The following RTF1 variants were observed in gnomAD, a reference collection of about 807,000 sequenced individuals.
RTF1 encodes RTF1 homolog, Paf1/RNA polymerase II complex component, also known as RNA polymerase-associated protein RTF1 homolog.
A neutral mutation model predicts 95.7 loss-of-function variants in RTF1; 10 were observed. That is an observed-to-expected ratio of 0.10 (90% CI 0.06 to 0.18). The LOEUF is 0.18. Among genes scored for constraint, RTF1 ranks in the 10% least tolerant of loss-of-function variants. RTF1 has a pLI of 1.00. For missense variants in RTF1, 458 were observed against 875.6 expected, an observed-to-expected ratio of 0.52 and a Z score of 6.02; for synonymous variants, 305 against 311.8, an observed-to-expected ratio of 0.98 and a Z score of 0.23.
chr15:41,426,213 C>CCT (rs2050628538), intron 1 of RTF1, among the ~76,000 whole-genome samples: 1 of 151,968 alleles, frequency 6.6e-6, no homozygotes, highest in East Asian at 1.9e-4. Context: ...GCAACCTCCG[C>CCT]CCTGGGTTCA....
chr15:41,474,292 A>G (rs1002012518), intron 8 of RTF1, among the ~76,000 whole-genome samples: 2 of 152,228 alleles, frequency 1.3e-5, no homozygotes, highest in Non-Finnish European at 1.5e-5. Context: ...ACTGACCTAC[A>G]TGGTCTTCAC....
In RTF1 at chr15:41,468,564, G is replaced by A. The variant is rs184643655; in HGVS notation, c.890-1693G>A. Among the ~76,000 whole-genome samples, 607 of 152,144 alleles carry A rather than the reference G, an allele frequency of 4.0e-3. 1 individual carries two copies. Among genetic ancestry groups the A allele is most frequent in the Non-Finnish European group, 6.4e-3 (435 of 67,996 alleles). Reference sequence around the variant, plus strand: ...GATCTCCTGACCTTGTGATCCGCCCGCCTCGGCCTCCCAAAGTGCTGGGAT... The same window carrying A: ...GATCTCCTGACCTTGTGATCCGCCCACCTCGGCCTCCCAAAGTGCTGGGAT... On this transcript the variant is annotated intron_variant, in intron 6 of 17. Transcript: ENST00000389629.
intron 1 of RTF1, among the ~76,000 whole-genome samples, chr15:41,433,843 CTT>C (rs11326489): frequency 0.025 from 3,138 of 125,990 alleles, 46 homozygotes; most frequent in Middle Eastern, 0.098. Flanking sequence ...TGCTACCACA[CTT>C]TTTTTTTTTT....
At chr15:41,459,918 C>T (rs1049714117) in intron 4 of RTF1, among the ~76,000 whole-genome samples, 1 of 151,892 alleles carries the variant, frequency 6.6e-6, no homozygotes, top group African/African-American at 2.4e-5. Flanking sequence ...ATAAAATAGC[C>T]CTCAGAACAA....
Position 41,480,259 on chromosome 15 carries a change from C to T in RTF1, c.1960C>T (p.Leu654Phe). 6.2e-7 allele frequency: 1 copy of T among 1,614,000 alleles called. No homozygotes were observed. The highest frequency in any genetic ancestry group is 8.5e-7 in the Non-Finnish European group (1 of 1,179,856). Residue 654 changes from leucine (L) to phenylalanine (F), a missense_variant, in exon 17 of 18, where the codon CTC becomes TTC. Transcript: ENST00000389629. The part of the protein sequence containing the change: ...KDLNSKSASD[L>F]SEDLFKVHDF... Reference sequence around the variant, plus strand: ...TTTGAATTCTAAGTCAGCCAGTGACCTCTCAGAAGATCTGTTCAAAGTACA... The same window carrying T: ...TTTGAATTCTAAGTCAGCCAGTGACTTCTCAGAAGATCTGTTCAAAGTACA...
chr15:41,479,177 T>C lies in RTF1; in HGVS notation c.1893T>C (p.Asp631=), dbSNP rs1302845933. 2 of 1,613,450 alleles carry C rather than the reference T, an allele frequency of 1.2e-6. No individual in the cohort carries two copies. The highest frequency in any genetic ancestry group is 2.7e-5 in the African/African-American group (2 of 75,012). Residue 631 remains aspartate (D), a synonymous_variant, in exon 16 of 18, where the codon GAT becomes GAC. Transcript: ENST00000389629. ...NAKYGSGVLP[D]APKEMSKGQG... ...AATACGGTTCTGGAGTGTTACCAGA[T>C]GCTCCAAAGGAAATGAGCAAGGCAA...
At chr15:41,472,058 C>G (rs1045574219) in intron 8 of RTF1, among the ~76,000 whole-genome samples, 14 of 151,554 alleles carry the variant, frequency 9.2e-5, no homozygotes, top group Admixed American at 4.0e-4. Flanking sequence ...GCCACCACAC[C>G]TGGCTAATTT....
intron 1 of RTF1, among the ~76,000 whole-genome samples, chr15:41,431,680 G>C (rs372193226): frequency 1.3e-5 from 2 of 151,966 alleles, no homozygotes; most frequent in Admixed American, 1.3e-4. Context: ...TGGATTTTTT[G>C]TACAGACGGG....
At chr15:41,478,246 C>G (rs2050952066) in intron 14 of RTF1, among the ~76,000 whole-genome samples, 1 of 151,900 alleles carries the variant, frequency 6.6e-6, no homozygotes, top group South Asian at 2.1e-4. Flanking sequence ...ACTAAAAATA[C>G]AAAAATTAGC....
At position 41,443,877 on chromosome 15, in the gene RTF1, C is replaced by G. The variant is rs1398034365; in HGVS notation, c.309+5446C>G. 4.6e-5 allele frequency among the ~76,000 whole-genome samples: 7 copies of G among 151,884 alleles called. No homozygotes were observed. In the East Asian group the frequency reaches 1.4e-3, roughly 29 times the overall value. Reference sequence around the variant, plus strand: ...GGTCTGGAGCTCGAGACCATCCTGGCTAACATGGTGAAACCCTGTCTCTAC... The same window carrying G: ...GGTCTGGAGCTCGAGACCATCCTGGGTAACATGGTGAAACCCTGTCTCTAC... On this transcript the variant is annotated intron_variant, in intron 2 of 17. Transcript: ENST00000389629.
rs752719706 is a variant in RTF1 at position 41,480,603 on chromosome 15, C to T, written c.2049C>T (p.Thr683=). 9.9e-6 allele frequency: 16 copies of T among 1,613,988 alleles called. No individual in the cohort carries two copies. Among genetic ancestry groups the T allele is most frequent in the South Asian group, 8.8e-5 (8 of 91,088 alleles). The part of the protein sequence containing the change: ...PSSESKALAI[T]SKAPPAKDGA... ...CAGAGTCAAAGGCTTTAGCCATCAC[C>T]TCCAAGGCTCCGCCAGCCAAGGATG... The change falls in exon 18 of 18, where the codon ACC becomes ACT. Residue 683 remains threonine (T), a synonymous_variant. Transcript: ENST00000389629.
chr15:41,474,573 C>T (rs2050932952), intron 8 of RTF1, 47 bp from the exon 9 acceptor site: 22 of 1,320,584 alleles, frequency 1.7e-5, no homozygotes, highest in Non-Finnish European at 2.4e-5. Context: ...TTGTGGAAAG[C>T]TCCGGAAGAG....
chr15:41,461,944 G>T (rs1366548918), intron 4 of RTF1, among the ~76,000 whole-genome samples: 3 of 150,074 alleles, frequency 2.0e-5, no homozygotes, highest in East Asian at 1.9e-4. Flanking sequence ...TTTAGAGAGG[G>T]GGGGTTTGCC....
At chr15:41,451,060 G>A (rs2050787397) in intron 2 of RTF1, among the ~76,000 whole-genome samples, 1 of 152,010 alleles carries the variant, frequency 6.6e-6, no homozygotes, top group South Asian at 2.1e-4. Flanking sequence ...TTCTAAGTTG[G>A]AAACATCTTC....
At chr15:41,453,194 A>G (rs1186151267) in intron 3 of RTF1, 146 bp downstream of exon 3, 4 of 588,786 alleles carry the variant, frequency 6.8e-6, no homozygotes, top group South Asian at 4.8e-5. Flanking sequence ...TTCCATGGTC[A>G]TGGATGCTTT....
chr15:41,472,804 C>T (rs569330996), intron 8 of RTF1, among the ~76,000 whole-genome samples: 1 of 152,002 alleles, frequency 6.6e-6, no homozygotes, highest in African/African-American at 2.4e-5. Flanking sequence ...CAGGTTCACG[C>T]CATTCTCCTG....
intron 2 of RTF1, among the ~76,000 whole-genome samples, chr15:41,439,809 G>A (rs1047162175): frequency 3.3e-5 from 5 of 151,886 alleles, no homozygotes; most frequent in Admixed American, 6.6e-5. Context: ...GCACCACAGT[G>A]CCCGGCTGAT....
chr15:41,470,291 C>T lies in RTF1; in HGVS notation c.924C>T (p.Thr308=), dbSNP rs758397085. The T allele has an allele frequency of 3.1e-6, 5 of 1,613,844 alleles. No individual in the cohort carries two copies. The East Asian group carries it at 1.1e-4, about 36-fold the overall frequency. ...ELLAKKQPLK[T]SEVYSDDEEE... is the part of the protein sequence containing the mutation. Reference sequence around the variant, plus strand: ...TTGCCAAAAAACAGCCATTAAAAACCAGTGAGGTCTACTCTGATGATGAAG... The same window carrying T: ...TTGCCAAAAAACAGCCATTAAAAACTAGTGAGGTCTACTCTGATGATGAAG... The change falls in exon 7 of 18, where the codon ACC becomes ACT. Residue 308 remains threonine, a synonymous_variant. Coordinates refer to ENST00000389629, the MANE Select transcript of RTF1 (RefSeq NM_015138.5).
chr15:41,440,249 G>A (rs933949992), intron 2 of RTF1: 2 of 148,282 alleles, frequency 1.3e-5, no homozygotes, highest in African/African-American at 5.0e-5. Flanking sequence ...ACAGTGCAGC[G>A]GCGCAATCTC....
Sources: gnomAD v4.1 joint callset for allele counts (sites outside exome capture counted in the v4.1 genomes callset) on GRCh38, gnomAD v4.1.1 for gene constraint, MANE v1.5 for transcripts, NCBI Gene and HGNC (gene_info 2026-07-23, HGNC 2026-07-21) for gene names.